C4orf50: variants seen among roughly 807,000 people sequenced by gnomAD.
C4orf50 encodes the protein chromosome 4 open reading frame 50.
C4orf50 carries 80 observed loss-of-function variants against 77.2 expected under a neutral mutation model. The ratio of observed to expected loss-of-function variants is 1.04; its 90% CI spans 0.87 to 1.25. The LOEUF (loss-of-function observed/expected upper bound fraction) is 1.25, where lower values mean the gene tolerates loss of function less well. Among genes scored for constraint, C4orf50 ranks in the 50% most tolerant of loss-of-function variants. The pLI is 0.00. For synonymous variants in C4orf50, 532 were observed against 465.3 expected, an observed-to-expected ratio of 1.14 and a Z score of -1.84; for missense variants, 1,257 against 1,152.9, an observed-to-expected ratio of 1.09 and a Z score of -1.31.
At chr4:5,998,234 C>T (rs1435165032) in intron 25 of C4orf50, among the ~76,000 whole-genome samples, 1 of 152,194 alleles carries the variant, frequency 6.6e-6, no homozygotes, top group Non-Finnish European at 1.5e-5. Flanking sequence ...TGAGATTTTT[C>T]TCACTGGCGT....
At chr4:6,013,396 A>G (rs1165879981) in intron 23 of C4orf50, among the ~76,000 whole-genome samples, 2 of 152,204 alleles carry the variant, frequency 1.3e-5, no homozygotes, top group Non-Finnish European at 2.9e-5. Flanking sequence ...TTTTGAGACC[A>G]ATCTGTAACA....
At chr4:5,930,110 A>T (rs1419096466) in intron 7 of C4orf50, among the ~76,000 whole-genome samples, 1 of 152,126 alleles carries the variant, frequency 6.6e-6, no homozygotes, top group Non-Finnish European at 1.5e-5. Context: ...GCTGCTCTGT[A>T]TGGTGGGGAG....
At chr4:6,004,235 A>T (rs1385138853) in intron 25 of C4orf50, among the ~76,000 whole-genome samples, 1 of 26,626 alleles carries the variant, frequency 3.8e-5, no homozygotes, top group Non-Finnish European at 7.9e-5. Flanking sequence ...TGTGATGGTG[A>T]TGATGATGGT....
intron 7 of C4orf50, among the ~76,000 whole-genome samples, chr4:5,939,546 T>C (rs1395623197): frequency 6.6e-6 from 1 of 152,192 alleles, no homozygotes; most frequent in Non-Finnish European, 1.5e-5. Flanking sequence ...TTGATCCTTT[T>C]CTTCTGGACA....
chr4:5,930,962 G>A (rs1717743387), intron 7 of C4orf50, among the ~76,000 whole-genome samples: 1 of 152,234 alleles, frequency 6.6e-6, no homozygotes, highest in Non-Finnish European at 1.5e-5. Flanking sequence ...GACAGTCCCG[G>A]CCAGGAGTGC....
At chr4:5,918,072 C>T (rs937116595) in intron 7 of C4orf50, among the ~76,000 whole-genome samples, 3 of 152,192 alleles carry the variant, frequency 2.0e-5, no homozygotes, top group African/African-American at 7.2e-5. Context: ...TGTGCTGTCA[C>T]TTCTGCTGTC....
chr4:5,976,953 C>A (rs1292566581), intron 29 of C4orf50, among the ~76,000 whole-genome samples: 1 of 152,224 alleles, frequency 6.6e-6, no homozygotes, highest in Non-Finnish European at 1.5e-5. Flanking sequence ...CCTTTGTGGG[C>A]CTGGCACTGA....
downstream of C4orf50, chr4:5,956,969 C>G (rs1718995917): frequency 6.6e-6 from 1 of 152,312 alleles, no homozygotes; most frequent in Non-Finnish European, 1.5e-5. Context: ...ACCATGTGCC[C>G]TTCCAAATGC....
chr4:5,953,032 C>G (rs1339355905), downstream of C4orf50, among the ~76,000 whole-genome samples: 1 of 152,214 alleles, frequency 6.6e-6, no homozygotes, highest in Admixed American at 6.5e-5. Flanking sequence ...TGCTTCTGGT[C>G]TTGACCCCTG....
chr4:5,956,605 T>G (rs1718969974), downstream of C4orf50: 1 of 151,798 alleles, frequency 6.6e-6, no homozygotes, highest in African/African-American at 2.4e-5. Flanking sequence ...CACTAAAGCT[T>G]CTGCTGCTTG....
chr4:5,979,251 A>G (rs544613761), intron 29 of C4orf50, among the ~76,000 whole-genome samples: 4 of 152,334 alleles, frequency 2.6e-5, no homozygotes, highest in Admixed American at 1.3e-4. Context: ...TGTTCATTGG[A>G]GCTGTGTTTG....
rs13111920 is a variant in C4orf50, at chr4:5,987,440, A to G, written c.3699+907T>C. Among the ~76,000 whole-genome samples, 4 of 148,634 alleles carry G rather than the reference A, an allele frequency of 2.7e-5. No homozygotes were observed. The East Asian group carries it at 7.9e-4, about 29-fold the overall frequency. ...AAAAAAAAAAAAAAAAAAAAAGAAT[A>G]CAATAAAGGTCTAAGAAGAAACCAA... On this transcript the variant is annotated intron_variant, in intron 28 of 33. Coordinates refer to ENST00000531445, the Ensembl canonical transcript of C4orf50.
chr4:5,948,116 A>G (rs1003007585), intron 7 of C4orf50, among the ~76,000 whole-genome samples: 11 of 152,172 alleles, frequency 7.2e-5, no homozygotes, highest in Admixed American at 2.0e-4. Context: ...TCTCTCTGTG[A>G]CCCCAGCAAG....
At chr4:5,982,476 C>G (rs1431271249) in intron 28 of C4orf50, among the ~76,000 whole-genome samples, 5 of 152,118 alleles carry the variant, frequency 3.3e-5, no homozygotes, top group African/African-American at 1.2e-4. Flanking sequence ...TGGAGAATGA[C>G]AGGCAGGTAG....
Position 5,961,763 on chromosome 4 carries a change from A to G in C4orf50, c.4276-2137T>C, listed in dbSNP as rs867684289. 2.0e-5 allele frequency among the ~76,000 whole-genome samples: 3 copies of G among 152,298 alleles called. No individual in the cohort carries two copies. In the South Asian group the frequency reaches 6.2e-4, roughly 32 times the overall value. On this transcript the variant is annotated intron_variant, in intron 33 of 33. Transcript: ENST00000531445. ...TAGAGGGCGAAACATCTCCTCATTC[A>G]CTAAAGATTTGTCAGCCTTTTCAGG... is the stretch of plus-strand genomic sequence containing the variant.
intron 31 of C4orf50, among the ~76,000 whole-genome samples, chr4:5,973,456 A>G (rs1370563047): frequency 6.6e-6 from 1 of 152,208 alleles, no homozygotes; most frequent in Non-Finnish European, 1.5e-5. Context: ...CATAAAGGGT[A>G]AGGATTGCCA....
intron 33 of C4orf50, among the ~76,000 whole-genome samples, chr4:5,959,877 C>T (rs571427716): frequency 3.8e-4 from 58 of 152,348 alleles, no homozygotes; most frequent in Non-Finnish European, 6.6e-4. Context: ...TCCCTCTCCA[C>T]GTCATGTGGC....
intron 7 of C4orf50, among the ~76,000 whole-genome samples, chr4:5,941,324 G>A (rs141715934): frequency 0.013 from 1,958 of 152,216 alleles, 20 homozygotes; most frequent in Non-Finnish European, 0.019. Context: ...AAGAGATGAG[G>A]CAACTTGGCT....
At chr4:5,949,369 G>A (rs1718625769) in intron 7 of C4orf50, among the ~76,000 whole-genome samples, 1 of 152,202 alleles carries the variant, frequency 6.6e-6, no homozygotes, top group African/African-American at 2.4e-5. Context: ...TCAAAAGAAG[G>A]AAATGCCGGC....
Sources: gnomAD v4.1 joint callset for allele counts (sites outside exome capture counted in the v4.1 genomes callset) on GRCh38, gnomAD v4.1.1 for gene constraint, MANE v1.5 for transcripts, NCBI Gene and HGNC (gene_info 2026-07-23, HGNC 2026-07-21) for gene names.